The following MDGA2 variants were observed in gnomAD, a reference collection of about 807,000 sequenced individuals.
The protein encoded by MDGA2 is MAM domain-containing glycosylphosphatidylinositol anchor protein 2.
MDGA2 carries 40 observed loss-of-function variants against 117.8 expected under a neutral mutation model. The observed-to-expected ratio is 0.34, with a 90% CI of 0.26 to 0.44. MDGA2 has a LOEUF of 0.44. MDGA2 is among the 20% of genes least tolerant of loss of function. The pLI, the probability that MDGA2 is intolerant of heterozygous loss-of-function variation, is 1.00. For synonymous variants in MDGA2, 452 were observed against 439.0 expected (o/e 1.03, Z -0.37); for missense variants, 1,123 against 1,250.6 (o/e 0.90, Z 1.54).
At chr14:47,574,728 T>G (rs1076771) in intron 1 of MDGA2, among the ~76,000 whole-genome samples, 19,857 of 152,220 alleles carry the variant, frequency 0.13, 1,654 homozygotes, top group African/African-American at 0.23. Flanking sequence ...TACTAATTAT[T>G]TAACCTGAAC....
chr14:47,285,646 C>G (rs1888645835), intron 2 of MDGA2, among the ~76,000 whole-genome samples: 1 of 151,986 alleles, frequency 6.6e-6, no homozygotes, highest in Non-Finnish European at 1.5e-5. Flanking sequence ...TAAGTCCAAG[C>G]TGGGTAGTAA....
At chr14:46,917,069 TACTG>T (rs1302161227) in intron 10 of MDGA2, among the ~76,000 whole-genome samples, 4 of 151,990 alleles carry the variant, frequency 2.6e-5, no homozygotes, top group Non-Finnish European at 5.9e-5. Context: ...GTATCAGACT[TACTG>T]ATCCAATCAA....
At chr14:47,643,532 G>A (rs369311794) in intron 1 of MDGA2, among the ~76,000 whole-genome samples, 4 of 152,028 alleles carry the variant, frequency 2.6e-5, no homozygotes, top group Non-Finnish European at 5.9e-5. Context: ...CAAGAGAATA[G>A]CATCCTAGTT....
chr14:47,043,279 C>G (rs150481855), intron 7 of MDGA2, among the ~76,000 whole-genome samples: 2 of 152,096 alleles, frequency 1.3e-5, no homozygotes, highest in Non-Finnish European at 2.9e-5. Flanking sequence ...TGGAAGGTGG[C>G]TAAACTACAG....
chr14:47,220,248 A>C (rs191964792), intron 2 of MDGA2, among the ~76,000 whole-genome samples: 5 of 152,190 alleles, frequency 3.3e-5, no homozygotes, highest in African/African-American at 9.6e-5. Context: ...ACCTCCATAC[A>C]TACTCCGATA....
intron 1 of MDGA2, among the ~76,000 whole-genome samples, chr14:47,646,915 T>C (rs1187101123): frequency 6.6e-6 from 1 of 152,184 alleles, no homozygotes; most frequent in African/African-American, 2.4e-5. Flanking sequence ...ATATCTCTGC[T>C]TCCCTTGGGC....
Position 46,914,004 on chromosome 14 carries a change from C to T in MDGA2, c.2238+6008G>A, listed in dbSNP as rs34235457. On this transcript the variant is annotated intron_variant, in intron 10 of 16. Coordinates refer to ENST00000399232, the MANE Select transcript of MDGA2 (RefSeq NM_001113498.3). ...GATTTTTTTAAAATAAAATATCCTA[C>T]TTTCCAAAGATACAGTCAAAAAGTC... Among the ~76,000 whole-genome samples the T allele has an allele frequency of 8.1e-3, 1,239 of 152,086 alleles. 8 individuals carry two copies. Among genetic ancestry groups the T allele is most frequent in the Admixed American group, 0.013 (192 of 15,274 alleles).
intron 1 of MDGA2, among the ~76,000 whole-genome samples, chr14:47,369,492 C>T (rs866346271): frequency 3.3e-5 from 5 of 152,054 alleles, no homozygotes; most frequent in African/African-American, 1.2e-4. Context: ...CTCCTTCTCA[C>T]AGCAATGTAT....
At chr14:47,628,552 G>T (rs760835268) in intron 1 of MDGA2, among the ~76,000 whole-genome samples, 1 of 152,196 alleles carries the variant, frequency 6.6e-6, no homozygotes, top group African/African-American at 2.4e-5. Flanking sequence ...CCTATAGAGG[G>T]TTCTCACTAA....
chr14:46,885,989 C>T (rs960319327), intron 10 of MDGA2, among the ~76,000 whole-genome samples: 3 of 152,102 alleles, frequency 2.0e-5, no homozygotes, highest in South Asian at 2.1e-4. Flanking sequence ...GAAGAAGACA[C>T]TACATTCAAA....
chr14:47,544,715 G>T (rs907615658), intron 1 of MDGA2, among the ~76,000 whole-genome samples: 1 of 152,142 alleles, frequency 6.6e-6, no homozygotes, highest in Non-Finnish European at 1.5e-5. Flanking sequence ...CACAAGAGGT[G>T]AGGTTAATTA....
intron 9 of MDGA2, among the ~76,000 whole-genome samples, chr14:46,954,668 G>C (rs1331843842): frequency 1.3e-5 from 2 of 151,776 alleles, no homozygotes; most frequent in Non-Finnish European, 2.9e-5. Context: ...TGCATTTGAG[G>C]CCCACCCAGA....
chr14:47,353,887 A>G (rs1489989156), intron 1 of MDGA2, among the ~76,000 whole-genome samples: 1 of 152,180 alleles, frequency 6.6e-6, no homozygotes, highest in Non-Finnish European at 1.5e-5. Flanking sequence ...CTAATGAATA[A>G]AGGTACAAAA....
chr14:47,171,448 ACC>A (rs1431191691), intron 3 of MDGA2, among the ~76,000 whole-genome samples: 1 of 152,186 alleles, frequency 6.6e-6, no homozygotes, highest in Non-Finnish European at 1.5e-5. Context: ...AGAAAAACTA[ACC>A]AAGGAAGAGG....
chr14:47,324,363 A>T (rs10135739), intron 1 of MDGA2, among the ~76,000 whole-genome samples: 1 of 152,164 alleles, frequency 6.6e-6, no homozygotes, highest in African/African-American at 2.4e-5. Flanking sequence ...CATGAGCCAA[A>T]TGCACCAGAA....
chr14:46,985,931 T>G (rs142286151), intron 8 of MDGA2, among the ~76,000 whole-genome samples: 174 of 152,190 alleles, frequency 1.1e-3, no homozygotes, highest in Middle Eastern at 0.01. Context: ...GTCATTTTTT[T>G]TCTAGGAAAA....
At chr14:47,503,533 G>A (rs756278290) in intron 1 of MDGA2, among the ~76,000 whole-genome samples, 1 of 150,374 alleles carries the variant, frequency 6.7e-6, no homozygotes, top group African/African-American at 2.5e-5. Flanking sequence ...AGCCTCCCTA[G>A]TAGCTGGGCT....
intron 10 of MDGA2, among the ~76,000 whole-genome samples, chr14:46,889,387 T>G (rs995656338): frequency 6.6e-6 from 1 of 152,036 alleles, no homozygotes; most frequent in Non-Finnish European, 1.5e-5. Flanking sequence ...AATTTATAAG[T>G]TTTTATCTGC....
chr14:47,022,103 G>A (rs956979210), intron 8 of MDGA2, among the ~76,000 whole-genome samples: 3 of 151,484 alleles, frequency 2.0e-5, no homozygotes, highest in African/African-American at 7.3e-5. Context: ...TATTTTTTTC[G>A]AGACAGGGTT....
Sources: gnomAD v4.1 joint callset for allele counts (sites outside exome capture counted in the v4.1 genomes callset) on GRCh38, gnomAD v4.1.1 for gene constraint, MANE v1.5 for transcripts, NCBI Gene and HGNC (gene_info 2026-07-23, HGNC 2026-07-21) for gene names.